CIT: variants seen among roughly 807,000 people sequenced by gnomAD.
CIT encodes citron Rho-interacting kinase.
Under a neutral mutation model 272.7 loss-of-function variants are expected in CIT, and 79 were observed. The ratio of observed to expected loss-of-function variants is 0.29; its 90% CI spans 0.24 to 0.35. CIT has a LOEUF of 0.35. CIT is among the 10% of genes least tolerant of loss of function. CIT has a pLI of 1.00. For missense variants in CIT, 1,909 were observed against 2,618.3 expected (o/e 0.73, Z 5.91); for synonymous variants, 948 against 995.6 (o/e 0.95, Z 0.90).
chr12:119,798,166 T>C (rs2137832047), intron 10 of CIT, among the ~76,000 whole-genome samples: 1 of 152,282 alleles, frequency 6.6e-6, no homozygotes, highest in South Asian at 2.1e-4. Context: ...CTATACCGTC[T>C]ACCTACTCAA....
rs1045348070 is a variant in CIT, at chr12:119,732,602, T to C, written c.3350+1562A>G. Among the ~76,000 whole-genome samples, 12 of 152,192 alleles carry C rather than the reference T, an allele frequency of 7.9e-5. No individual in the cohort carries two copies. The South Asian group carries it at 1.0e-3, about 13-fold the overall frequency. ...ACAAAAAGGAACTATTTCTACCATT[T>C]CTTTTGAAATGTAAGGGTTTTCATC... On this transcript the variant is annotated intron_variant, in intron 26 of 47. Transcript: ENST00000392521.
chr12:119,864,007 G>T (rs945374118), intron 3 of CIT, among the ~76,000 whole-genome samples: 10 of 151,854 alleles, frequency 6.6e-5, no homozygotes, highest in African/African-American at 2.2e-4. Context: ...TGTCAGCAAT[G>T]AATTTCTATT....
Position 119,798,068 on chromosome 12 carries a change from C to T in CIT, c.1295+5138G>A, listed in dbSNP as rs139771212. Among the ~76,000 whole-genome samples the T allele has an allele frequency of 5.3e-4, 80 of 152,198 alleles. No homozygotes were observed. The East Asian group carries it at 0.014, about 28-fold the overall frequency. ...AGAACATTCAGGGAAAGAGTATATACGCGTGGGTTTATGTATGTGTGCGGG... is the reference window on the plus strand; with the variant it reads ...AGAACATTCAGGGAAAGAGTATATATGCGTGGGTTTATGTATGTGTGCGGG... On this transcript the variant is annotated intron_variant, in intron 10 of 47. Coordinates refer to ENST00000392521, the MANE Select transcript of CIT (RefSeq NM_001206999.2).
intron 4 of CIT, among the ~76,000 whole-genome samples, chr12:119,852,647 G>A (rs908131136): frequency 8.6e-5 from 13 of 151,888 alleles, no homozygotes; most frequent in Non-Finnish European, 1.8e-4. Flanking sequence ...GTTGCAGTGA[G>A]CTGAGATCTC....
chr12:119,796,709 C>T (rs1206474086), intron 10 of CIT, among the ~76,000 whole-genome samples: 1 of 151,954 alleles, frequency 6.6e-6, no homozygotes, highest in East Asian at 1.9e-4. Context: ...AATGAGATCA[C>T]CAAGAACCAA....
chr12:119,743,449 T>C (rs1380391983), intron 23 of CIT, among the ~76,000 whole-genome samples: 3 of 152,122 alleles, frequency 2.0e-5, no homozygotes, highest in African/African-American at 7.2e-5. Flanking sequence ...CCAAAAAAAC[T>C]GAGTGGCTAG....
chr12:119,821,295 CAAA>C (rs34617126), intron 9 of CIT, among the ~76,000 whole-genome samples: 1 of 97,700 alleles, frequency 1.0e-5, no homozygotes, highest in Admixed American at 1.1e-4. Flanking sequence ...AACTCCGTCT[CAAA>C]AAAAAAAAAA....
chr12:119,842,388 C>CAAAAAAAAAAAAAAAAA (rs58634070), intron 5 of CIT, among the ~76,000 whole-genome samples: 1 of 71,536 alleles, frequency 1.4e-5, no homozygotes, highest in Non-Finnish European at 2.6e-5. Context: ...GACTGCATCT[C>CAAAAAAAAAAAAAAAAA]AAAAAAAAAA....
intron 8 of CIT, 51 bp from the exon 9 acceptor site, chr12:119,823,024 T>G (rs776526246): frequency 6.5e-7 from 1 of 1,531,392 alleles, no homozygotes. Flanking sequence ...ATTCCGTTTC[T>G]CATGCTGCAA....
At chr12:119,698,835 T>C (rs1956384265) in intron 44 of CIT, among the ~76,000 whole-genome samples, 1 of 152,236 alleles carries the variant, frequency 6.6e-6, no homozygotes, top group Non-Finnish European at 1.5e-5. Context: ...GAAACTCATA[T>C]GAGCTTTTTT....
chr12:119,716,679 G>A (rs965993565), intron 32 of CIT, among the ~76,000 whole-genome samples: 4 of 152,068 alleles, frequency 2.6e-5, no homozygotes, highest in Admixed American at 6.6e-5. Context: ...TCACACTGTT[G>A]GTAGAAATAA....
chr12:119,801,815 C>T (rs560064146), intron 10 of CIT, among the ~76,000 whole-genome samples: 1 of 152,332 alleles, frequency 6.6e-6, no homozygotes, highest in East Asian at 1.9e-4. Flanking sequence ...ATCCAGATTG[C>T]TTTGGGGTTG....
intron 22 of CIT, 125 bp downstream of exon 22, chr12:119,757,246 G>C: frequency 8.1e-7 from 1 of 1,236,538 alleles, no homozygotes; most frequent in East Asian, 2.3e-5. Context: ...CCTGCCTCAA[G>C]TCTGCCCCCT....
intron 23 of CIT, among the ~76,000 whole-genome samples, chr12:119,743,230 T>A (rs1157534906): frequency 8.7e-4 from 125 of 143,634 alleles, no homozygotes; most frequent in African/African-American, 3.0e-3. Flanking sequence ...GGGACCAGTT[T>A]AAAAAAAAAA....
intron 7 of CIT, among the ~76,000 whole-genome samples, chr12:119,829,391 G>GAAGAGAAGAGAAGAGAAGAGAAGAA (rs1566099909): frequency 1.1e-4 from 16 of 146,948 alleles, no homozygotes; most frequent in African/African-American, 4.0e-4. Context: ...GAAGAGAAGA[G>GAAGAGAAGAGAAGAGAAGAGAAGAA]AAGAGAAGAG....
In CIT at chr12:119,803,327, C is replaced by G; in HGVS notation, c.1174G>C (p.Glu392Gln). Reference sequence around the variant, plus strand: ...GAGGATGAAACCCACGAATTCTTCTCTGGTTCATCAAAATTGGAGGTGTCA... The same window carrying G: ...GAGGATGAAACCCACGAATTCTTCTGTGGTTCATCAAAATTGGAGGTGTCA... The part of the protein sequence containing the change: ...DDDTSNFDEP[E>Q]KNSWVSSSPC... Residue 392 changes from glutamate to glutamine, a missense_variant, in exon 10 of 48, where the codon GAG becomes CAG. Glu to Gln is a conservative substitution (Grantham distance 29, BLOSUM62 2). Transcript: ENST00000392521. The G allele has an allele frequency of 6.2e-7, 1 of 1,607,458 alleles. No homozygotes were observed. Among genetic ancestry groups the G allele is most frequent in the Non-Finnish European group, 8.5e-7 (1 of 1,176,944 alleles).
chr12:119,716,635 A>G (rs950749235), intron 32 of CIT, among the ~76,000 whole-genome samples: 6 of 152,150 alleles, frequency 3.9e-5, no homozygotes, highest in Non-Finnish European at 8.8e-5. Context: ...TCTCTAGGTA[A>G]ATGGAGTACA....
chr12:119,709,604 G>A (rs1028426752), intron 39 of CIT, among the ~76,000 whole-genome samples: 3 of 152,064 alleles, frequency 2.0e-5, no homozygotes, highest in African/African-American at 4.8e-5. Flanking sequence ...ACACTGAATC[G>A]ATATATTACT....
intron 10 of CIT, among the ~76,000 whole-genome samples, chr12:119,798,013 C>G (rs1965879361): frequency 1.3e-5 from 2 of 152,216 alleles, no homozygotes; most frequent in Admixed American, 1.3e-4. Flanking sequence ...GCAGTTTCCT[C>G]TCTTTGCCAA....
Sources: gnomAD v4.1 joint callset for allele counts (sites outside exome capture counted in the v4.1 genomes callset) on GRCh38, gnomAD v4.1.1 for gene constraint, MANE v1.5 for transcripts, NCBI Gene and HGNC (gene_info 2026-07-23, HGNC 2026-07-21) for gene names.